The following KDM7A variants were observed in gnomAD, a reference collection of about 807,000 sequenced individuals.
The protein encoded by KDM7A is lysine demethylase 7A.
A neutral mutation model predicts 114.8 loss-of-function variants in KDM7A; 28 were observed. The ratio of observed to expected loss-of-function variants is 0.24; its 90% CI spans 0.18 to 0.33. The LOEUF (loss-of-function observed/expected upper bound fraction) is 0.33, where lower values mean the gene tolerates loss of function less well. KDM7A is among the 10% of genes least tolerant of loss of function. The probability of loss-of-function intolerance (pLI) is 1.00; values close to 1 mark genes in which losing one functional copy is unlikely to be tolerated. For missense variants in KDM7A, 942 were observed against 1,142.5 expected (o/e 0.82, Z 2.53); for synonymous variants, 423 against 397.8 (o/e 1.06, Z -0.75).
At chr7:140,172,101 C>T (rs1794651412) in intron 1 of KDM7A, among the ~76,000 whole-genome samples, 1 of 152,026 alleles carries the variant, frequency 6.6e-6, no homozygotes, top group African/African-American at 2.4e-5. Context: ...AAAGTGGACA[C>T]TGTAGGTGAA....
chr7:140,120,816 A>G (rs964710255), intron 7 of KDM7A, among the ~76,000 whole-genome samples: 9 of 152,166 alleles, frequency 5.9e-5, no homozygotes, highest in African/African-American at 1.9e-4. Flanking sequence ...TTTGTTGCCC[A>G]GGCTGATCTC....
At chr7:140,104,419 C>T (rs1394048733) in intron 11 of KDM7A, among the ~76,000 whole-genome samples, 1 of 152,164 alleles carries the variant, frequency 6.6e-6, no homozygotes, top group Non-Finnish European at 1.5e-5. Flanking sequence ...AGGTTTTCTT[C>T]TAGGGTTTTT....
At chr7:140,122,073 A>G (rs556269650) in intron 7 of KDM7A, among the ~76,000 whole-genome samples, 1 of 152,276 alleles carries the variant, frequency 6.6e-6, no homozygotes, top group African/African-American at 2.4e-5. Flanking sequence ...ACGTCCAGCA[A>G]TCTGTGTTGT....
chr7:140,168,637 G>C (rs756157978), intron 1 of KDM7A, among the ~76,000 whole-genome samples: 2 of 151,730 alleles, frequency 1.3e-5, no homozygotes, highest in Admixed American at 6.6e-5. Context: ...GAACCTGTCA[G>C]TAAATGACAT....
chr7:140,125,533 AAAGC>A (rs1428496300), intron 6 of KDM7A, among the ~76,000 whole-genome samples: 2 of 152,258 alleles, frequency 1.3e-5, no homozygotes, highest in Non-Finnish European at 2.9e-5. Flanking sequence ...AGCTCTAGAT[AAAGC>A]AAGGTGAATA....
chr7:140,093,429 ACTTT>A (rs1818055419), intron 18 of KDM7A, among the ~76,000 whole-genome samples: 1 of 152,058 alleles, frequency 6.6e-6, no homozygotes, highest in Admixed American at 6.5e-5. Context: ...TTGCTGATTT[ACTTT>A]CTTTCTTATG....
chr7:140,114,969 G>A (rs1319918362), intron 9 of KDM7A, among the ~76,000 whole-genome samples: 1 of 148,572 alleles, frequency 6.7e-6, no homozygotes, highest in Admixed American at 6.7e-5. Flanking sequence ...GAGCCCCTCC[G>A]CCCGGCAGCC....
At chr7:140,158,480 A>G (rs6950875) in intron 1 of KDM7A, among the ~76,000 whole-genome samples, 52,588 of 152,018 alleles carry the variant, frequency 0.35, 9,360 homozygotes, top group Middle Eastern at 0.43. Flanking sequence ...ATTAAATGAA[A>G]TGAAGAGGAC....
chr7:140,100,157 A>G (rs1818178227), intron 12 of KDM7A, 134 bp from the exon 13 acceptor site: 4 of 848,514 alleles, frequency 4.7e-6, no homozygotes, highest in Non-Finnish European at 7.5e-6. Context: ...GGGCTTGGGG[A>G]TATGCAGCAG....
intron 1 of KDM7A, among the ~76,000 whole-genome samples, chr7:140,141,496 C>T (rs1028865544): frequency 2.6e-5 from 4 of 152,008 alleles, no homozygotes; most frequent in African/African-American, 9.7e-5. Context: ...ACAGGAGGCA[C>T]GGAAGAGCAC....
chr7:140,099,973 T>C lies in KDM7A; in HGVS notation c.1689A>G (p.Pro563=). 1 of 1,613,322 alleles carries C rather than the reference T, an allele frequency of 6.2e-7. No individual in the cohort carries two copies. Among genetic ancestry groups the C allele is most frequent in the Non-Finnish European group, 8.5e-7 (1 of 1,179,206 alleles). ...LNGKFNKHLQ[P]SSTVPEWRAK... is the part of the protein sequence containing the mutation. The stretch of plus-strand genomic sequence containing the variant: ...CTCTCCATTCAGGTACTGTGGAGGA[T>C]GGTTGGAGATGTTTGTTGAATTTTC... Residue 563 remains proline, a synonymous_variant, in exon 13 of 20, where the codon CCA becomes CCG. Transcript: ENST00000397560.
Position 140,176,738 on chromosome 7 carries a change from A to G in KDM7A, c.194+6T>C. 1 of 1,324,458 alleles carries G rather than the reference A, an allele frequency of 7.6e-7. No homozygotes were observed. Among genetic ancestry groups the G allele is most frequent in the Non-Finnish European group, 9.9e-7 (1 of 1,009,614 alleles). The allele number at this position is 1,324,458 out of a possible 1,614,324, so 82.0% of individuals were successfully genotyped here. On this transcript the variant is annotated splice_donor_region_variant and intron_variant, in intron 1 of 19. Transcript: ENST00000397560. This position sits in a 1 kb window ranked among gnomAD's most constrained non-coding sequence, Gnocchi z 4.4. ...GCGGCTGCGGGGCTGGAGGGGGTTT[A>G]TTTACCTGCCGTGGAACCAGTCCTT... is the stretch of plus-strand genomic sequence containing the variant.
intron 10 of KDM7A, among the ~76,000 whole-genome samples, chr7:140,111,534 T>A (rs1367329228): frequency 1.3e-5 from 2 of 152,234 alleles, no homozygotes; most frequent in Non-Finnish European, 2.9e-5. Flanking sequence ...TCATAATGCA[T>A]AAGGATTTTT....
chr7:140,158,298 G>A (rs1056736013), intron 1 of KDM7A, among the ~76,000 whole-genome samples: 4 of 152,166 alleles, frequency 2.6e-5, no homozygotes, highest in Non-Finnish European at 5.9e-5. Flanking sequence ...GACCAGTTAG[G>A]AGGCTACTTC....
intron 1 of KDM7A, among the ~76,000 whole-genome samples, chr7:140,145,419 C>G (rs1370533333): frequency 1.3e-5 from 2 of 152,038 alleles, no homozygotes; most frequent in Non-Finnish European, 2.9e-5. Flanking sequence ...TATAAGGAGG[C>G]GAGATTATGC....
Position 140,173,526 on chromosome 7 carries a change from A to G in KDM7A, c.194+3218T>C, listed in dbSNP as rs549041673. ...GAATAAACTAAAATTTATATATATC[A>G]AAATGCACTGATTCCTCAGTTTAAA... On this transcript the variant is annotated intron_variant, in intron 1 of 19. Coordinates refer to ENST00000397560, the MANE Select transcript of KDM7A (RefSeq NM_030647.2). Among the ~76,000 whole-genome samples, 9 of 152,274 alleles carry G rather than the reference A, an allele frequency of 5.9e-5. No individual in the cohort carries two copies. In the South Asian group the frequency reaches 1.9e-3, roughly 32 times the overall value.
At chr7:140,134,375 C>A (rs1818836021) in intron 2 of KDM7A, among the ~76,000 whole-genome samples, 1 of 152,066 alleles carries the variant, frequency 6.6e-6, no homozygotes, top group African/African-American at 2.4e-5. Context: ...ATCCAGATTC[C>A]TCAATGTAGG....
At chr7:140,127,294 C>CT in intron 5 of KDM7A, 148 bp downstream of exon 5, 1 of 683,046 alleles carries the variant, frequency 1.5e-6, no homozygotes, top group Non-Finnish European at 2.5e-6. Context: ...CTAAGTATCT[C>CT]TGAGTGTCCC....
chr7:140,113,743 TAAAG>T (rs1196136861), intron 9 of KDM7A, among the ~76,000 whole-genome samples, 161 bp from the exon 10 acceptor site: 3 of 151,692 alleles, frequency 2.0e-5, no homozygotes, highest in Non-Finnish European at 4.4e-5. Context: ...AAAAAGACAA[TAAAG>T]AAACAGAATT....
Sources: allele counts gnomAD v4.1 joint callset (sites outside exome capture counted in the v4.1 genomes callset), GRCh38; gene constraint gnomAD v4.1.1; non-coding constraint Gnocchi (gnomAD v3.1); transcripts MANE v1.5; gene names NCBI Gene and HGNC (gene_info 2026-07-23, HGNC 2026-07-21).